The following JHY variants were observed in gnomAD, a reference collection of about 807,000 sequenced individuals.
The protein encoded by JHY is jhy protein homolog.
A neutral mutation model predicts 78.0 loss-of-function variants in JHY; 69 were observed. The ratio of observed to expected loss-of-function variants is 0.88; its 90% CI spans 0.73 to 1.08. The LOEUF is 1.08. Ranked by LOEUF, JHY falls within the 50% of genes least tolerant of loss-of-function variation. JHY has a pLI of 0.00. For synonymous variants in JHY, 368 were observed against 342.6 expected (o/e 1.07, Z -0.82); for missense variants, 944 against 927.8 (o/e 1.02, Z -0.23).
chr11:122,899,276 G>A (rs1862795984), intron 2 of JHY, among the ~76,000 whole-genome samples: 1 of 152,118 alleles, frequency 6.6e-6, no homozygotes, highest in East Asian at 1.9e-4. Flanking sequence ...GTTAAATTCA[G>A]TTTTTTTCTT....
At chr11:122,929,793 A>G (rs1281703688) in intron 4 of JHY, among the ~76,000 whole-genome samples, 1 of 152,228 alleles carries the variant, frequency 6.6e-6, no homozygotes, top group East Asian at 1.9e-4. Context: ...ATGTGACCAA[A>G]TGTTTAAAAT....
At chr11:122,945,021 C>T (rs930021945) in intron 5 of JHY, among the ~76,000 whole-genome samples, 10 of 152,098 alleles carry the variant, frequency 6.6e-5, no homozygotes, top group African/African-American at 2.4e-4. Context: ...AGATTCATCT[C>T]TTTCATAAAT....
intron 3 of JHY, among the ~76,000 whole-genome samples, chr11:122,913,534 G>A (rs562663674): frequency 1.7e-4 from 26 of 152,108 alleles, no homozygotes; most frequent in African/African-American, 6.0e-4. Flanking sequence ...CAAATGCCTG[G>A]CCATACTCCA....
Position 122,885,914 on chromosome 11 carries a change from A to T in JHY, c.65A>T (p.Asn22Ile). 6.2e-7 allele frequency: 1 copy of T among 1,614,110 alleles called. No individual in the cohort carries two copies. Among genetic ancestry groups the T allele is most frequent in the Non-Finnish European group, 8.5e-7 (1 of 1,180,002 alleles). The part of the protein sequence containing the change: ...IQSPVLHTNL[N>I]VQSTHPPLKK... ...TCTCCTGTCCTTCATACCAACTTAA[A>T]TGTCCAGTCCACACACCCACCTTTG... Residue 22 changes from asparagine to isoleucine, a missense_variant, in exon 2 of 9, where the codon AAT (asparagine) becomes ATT (isoleucine). Transcript: ENST00000227349.
intron 2 of JHY, among the ~76,000 whole-genome samples, chr11:122,889,791 C>T (rs1862570525): frequency 1.3e-5 from 2 of 152,180 alleles, no homozygotes; most frequent in African/African-American, 4.8e-5. Context: ...CAGAGTCTTG[C>T]TCTGTTGCCC....
chr11:122,891,583 A>AAAT (rs1236309213), intron 2 of JHY, among the ~76,000 whole-genome samples: 1 of 151,156 alleles, frequency 6.6e-6, no homozygotes, highest in Non-Finnish European at 1.5e-5. Context: ...AAAAAAAAAA[A>AAAT]ATCAGAGAGC....
In JHY at chr11:122,883,944, A is replaced by T. The variant is rs1174122525; in HGVS notation, c.-90+972A>T. Among the ~76,000 whole-genome samples the T allele has an allele frequency of 6.6e-6, 1 of 152,220 alleles. No homozygotes were observed. The stretch of plus-strand genomic sequence containing the variant: ...TTAAGCTTGCTCTTCAGGATCTCAA[A>T]TTCAGTGACCTTAGCTCCTCCAGTA... On this transcript the variant is annotated intron_variant, in intron 1 of 8. Transcript: ENST00000227349. The surrounding 1 kb of genome is among the most constrained non-coding windows in gnomAD (Gnocchi z 4.4).
At chr11:122,916,317 A>G (rs1863233468) in intron 3 of JHY, among the ~76,000 whole-genome samples, 1 of 152,206 alleles carries the variant, frequency 6.6e-6, no homozygotes, top group South Asian at 2.1e-4. Flanking sequence ...AACATTATAT[A>G]TTAATACAAT....
chr11:122,894,178 G>A (rs1439158138), intron 2 of JHY, among the ~76,000 whole-genome samples: 4 of 151,772 alleles, frequency 2.6e-5, no homozygotes, highest in Non-Finnish European at 5.9e-5. Context: ...AAAATTAGCC[G>A]GGCCCATAAT....
chr11:122,900,790 G>A (rs1335462248), intron 2 of JHY, among the ~76,000 whole-genome samples: 2 of 152,012 alleles, frequency 1.3e-5, no homozygotes, highest in African/African-American at 2.4e-5. Context: ...TTGAAGCCTC[G>A]GGGATCTTTC....
intron 2 of JHY, among the ~76,000 whole-genome samples, chr11:122,887,079 G>T (rs1862510310): frequency 6.6e-6 from 1 of 152,204 alleles, no homozygotes; most frequent in South Asian, 2.1e-4. Context: ...TTGATTAGGA[G>T]GAGGTTTTAG....
intron 4 of JHY, among the ~76,000 whole-genome samples, chr11:122,928,522 T>C (rs4936761): frequency 0.23 from 34,714 of 149,530 alleles, 4,540 homozygotes; most frequent in Non-Finnish European, 0.3. Flanking sequence ...CCAGGCACTG[T>C]GGATTAGGTG....
Position 122,963,274 on chromosome 11 carries a change from G to C in JHY, c.*3829G>C, listed in dbSNP as rs1422120731. Among the ~76,000 whole-genome samples the C allele has an allele frequency of 2.0e-5, 3 of 152,078 alleles. No homozygotes were observed. The highest frequency in any genetic ancestry group is 6.6e-5 in the Admixed American group (1 of 15,262). ...CAAGAACCCAAATTTGGCTGAAGCA[G>C]CTTAAGTGATTCAGTTCATGTCAAA... On this transcript the variant is annotated 3_prime_UTR_variant, in exon 9 of 9. Coordinates refer to ENST00000227349, the MANE Select transcript of JHY (RefSeq NM_024806.4).
intron 3 of JHY, among the ~76,000 whole-genome samples, chr11:122,914,738 C>T (rs188221381): frequency 2.2e-4 from 33 of 152,214 alleles, no homozygotes; most frequent in African/African-American, 7.2e-4. Flanking sequence ...CCACCACACC[C>T]GGCCTGGTGG....
chr11:122,907,466 T>TG (rs36030622), intron 3 of JHY, among the ~76,000 whole-genome samples: 16,381 of 152,122 alleles, frequency 0.11, 984 homozygotes, highest in South Asian at 0.2. Flanking sequence ...TATTATAACT[T>TG]GAAGTTTATA....
At chr11:122,924,840 T>C (rs1230046823) in intron 3 of JHY, 57 bp from the exon 4 acceptor site, 2 of 1,391,220 alleles carry the variant, frequency 1.4e-6, no homozygotes, top group African/African-American at 2.9e-5. Context: ...TTGAGTCCCA[T>C]GGCTCTAAGA....
intron 1 of JHY, among the ~76,000 whole-genome samples, chr11:122,884,029 C>G (rs1409872113): frequency 6.6e-6 from 1 of 152,134 alleles, no homozygotes; most frequent in Non-Finnish European, 1.5e-5. Flanking sequence ...AGATTTGCTG[C>G]TTTCTTGGCA....
intron 3 of JHY, among the ~76,000 whole-genome samples, chr11:122,924,039 T>C (rs190679779): frequency 1.3e-5 from 2 of 152,154 alleles, no homozygotes; most frequent in East Asian, 3.9e-4. Context: ...GCCTGGACTT[T>C]TTAAATTTTT....
chr11:122,906,200 T>G (rs1862988339), intron 3 of JHY, among the ~76,000 whole-genome samples: 1 of 152,118 alleles, frequency 6.6e-6, no homozygotes, highest in Admixed American at 6.6e-5. Flanking sequence ...GAAAAAAAAT[T>G]TCTTTTGAGT....
Sources: gnomAD v4.1 joint callset for allele counts (sites outside exome capture counted in the v4.1 genomes callset) on GRCh38, gnomAD v4.1.1 for gene constraint, Gnocchi (gnomAD v3.1) non-coding constraint, MANE v1.5 for transcripts, NCBI Gene and HGNC (gene_info 2026-07-23, HGNC 2026-07-21) for gene names.